SNRPN: variants seen among roughly 807,000 people sequenced by gnomAD.
The protein encoded by SNRPN is small nuclear ribonucleoprotein-associated protein N.
SNRPN carries 7 observed loss-of-function variants against 25.2 expected under a neutral mutation model. The ratio of observed to expected loss-of-function variants is 0.28; its 90% CI spans 0.16 to 0.52. The LOEUF (loss-of-function observed/expected upper bound fraction) is 0.52. Ranked by LOEUF, SNRPN falls within the 20% of genes least tolerant of loss-of-function variation. SNRPN has a pLI of 0.96. For synonymous variants in SNRPN, 124 were observed against 110.6 expected (o/e 1.12, Z -0.76); for missense variants, 196 against 322.5 (o/e 0.61, Z 3.00).
At chr15:24,890,549 C>A (rs1406610500) in intron 2 of SNRPN, among the ~76,000 whole-genome samples, 1 of 152,046 alleles carries the variant, frequency 6.6e-6, no homozygotes, top group Admixed American at 6.6e-5. Flanking sequence ...TGTGGTGGCA[C>A]AAGCCTGTAG....
intron 2 of SNRPN, among the ~76,000 whole-genome samples, chr15:24,905,023 G>C (rs1453751106): frequency 2.0e-5 from 3 of 149,540 alleles, no homozygotes; most frequent in Non-Finnish European, 4.4e-5. Context: ...TGAGGCAGGA[G>C]AATCGCTTGA....
intron 1 of SNRPN, among the ~76,000 whole-genome samples, chr15:24,879,572 A>G (rs776601080): frequency 1.3e-5 from 2 of 152,226 alleles, no homozygotes; most frequent in Non-Finnish European, 2.9e-5. Flanking sequence ...TCAAAGCAGC[A>G]ATTAGTGGCG....
intron 2 of SNRPN, among the ~76,000 whole-genome samples, chr15:24,892,676 G>T (rs1031380932): frequency 6.6e-6 from 1 of 151,648 alleles, no homozygotes; most frequent in African/African-American, 2.4e-5. Context: ...GGTGGAAGCT[G>T]CAGTAAGCCA....
intron 2 of SNRPN, among the ~76,000 whole-genome samples, chr15:24,967,414 T>C (rs977411755): frequency 2.6e-5 from 4 of 151,716 alleles, no homozygotes; most frequent in Non-Finnish European, 5.9e-5. Flanking sequence ...CCAAAGTGGG[T>C]GGATCACCTG....
intron 1 of SNRPN, among the ~76,000 whole-genome samples, chr15:24,880,409 T>C (rs2056466207): frequency 6.6e-6 from 1 of 152,160 alleles, no homozygotes. Context: ...ACTTCTGGGT[T>C]TCTGCCTGTC....
chr15:24,870,474 A>G (rs918178514), intron 1 of SNRPN, among the ~76,000 whole-genome samples: 1 of 152,136 alleles, frequency 6.6e-6, no homozygotes, highest in Non-Finnish European at 1.5e-5. Context: ...ACTTGAATCA[A>G]TCTCCCCATT....
chr15:24,874,015 G>C (rs969503251), intron 1 of SNRPN, among the ~76,000 whole-genome samples: 1 of 127,216 alleles, frequency 7.9e-6, no homozygotes, highest in Non-Finnish European at 1.7e-5. Flanking sequence ...TTCATCTTCA[G>C]AAAAAAAAAA....
At chr15:24,943,970 C>T (rs1410467560) in intron 3 of SNRPN, among the ~76,000 whole-genome samples, 1 of 152,020 alleles carries the variant, frequency 6.6e-6, no homozygotes, top group African/African-American at 2.4e-5. Flanking sequence ...TACAGGGGTG[C>T]ACTACCATAC....
intron 1 of SNRPN, among the ~76,000 whole-genome samples, chr15:24,863,821 A>G (rs1350230093): frequency 1.3e-5 from 2 of 150,596 alleles, no homozygotes; most frequent in African/African-American, 2.5e-5. Flanking sequence ...TCTGGAAACT[A>G]TTAAACTCTC....
chr15:24,968,069 C>G lies in SNRPN; in HGVS notation c.-157C>G, dbSNP rs2075908037. The G allele has an allele frequency of 6.3e-7, 1 of 1,582,962 alleles. No homozygotes were observed. The highest frequency in any genetic ancestry group is 1.7e-5 in the Admixed American group (1 of 59,906). On this transcript the variant is annotated 5_prime_UTR_variant, in exon 3 of 10. Coordinates refer to ENST00000390687, the MANE Select transcript of SNRPN (RefSeq NM_003097.6). ...ATTGGAGTAGCGAGGAATCTGATTC[C>G]AAGCAAAAACCAGGTTAGAGCTAAT...
At position 24,976,792 on chromosome 15, in the gene SNRPN, G is replaced by C. The variant is rs1030425985; in HGVS notation, c.268-85G>C. ...TATGAGATAGGTGTCATGGGAAAAT[G>C]GTGGAGAGAAGTGATCTCTGATGAA... On this transcript the variant is annotated intron_variant, in intron 6 of 9. Coordinates refer to ENST00000390687, the MANE Select transcript of SNRPN (RefSeq NM_003097.6). 76 of 1,224,590 alleles carry C rather than the reference G, an allele frequency of 6.2e-5. No individual in the cohort carries two copies. The East Asian group carries it at 1.6e-3, about 26-fold the overall frequency. 75.9% of individuals were successfully genotyped at this position (1,224,590 alleles called of 1,614,324 possible). A position where few individuals can be genotyped will look rare whatever the true frequency, so the allele number is the denominator to read the frequency against.
At chr15:24,931,874 T>G (rs1445160990) in intron 3 of SNRPN, among the ~76,000 whole-genome samples, 2 of 144,336 alleles carry the variant, frequency 1.4e-5, no homozygotes, top group Admixed American at 7.0e-5. Flanking sequence ...AAAAAGACTT[T>G]GCTTCACCCA....
intron 3 of SNRPN, among the ~76,000 whole-genome samples, chr15:24,934,357 T>C (rs1294612772): frequency 6.6e-6 from 1 of 150,958 alleles, no homozygotes; most frequent in Admixed American, 6.7e-5. Context: ...ATAAAAATTA[T>C]ATAAGATTCA....
intron 2 of SNRPN, among the ~76,000 whole-genome samples, chr15:24,904,051 A>G (rs74809493): frequency 6.6e-6 from 1 of 151,938 alleles, no homozygotes; most frequent in African/African-American, 2.4e-5. Context: ...AAAAAAAAAA[A>G]AGATCGGAGC....
chr15:24,853,085 TCA>T (rs1219033039), upstream of SNRPN, among the ~76,000 whole-genome samples: 1 of 152,232 alleles, frequency 6.6e-6, no homozygotes, highest in Non-Finnish European at 1.5e-5. Context: ...AGTGTTAGAC[TCA>T]CAGAACAAAT....
At chr15:24,918,428 A>AT (rs2059697107) in intron 2 of SNRPN, among the ~76,000 whole-genome samples, 1 of 121,894 alleles carries the variant, frequency 8.2e-6, no homozygotes, top group Non-Finnish European at 1.7e-5. Flanking sequence ...GTGTATATAT[A>AT]ACATAATATA....
At chr15:24,861,410 G>T (rs568290337) in intron 1 of SNRPN, among the ~76,000 whole-genome samples, 1 of 152,176 alleles carries the variant, frequency 6.6e-6, no homozygotes, top group East Asian at 1.9e-4. Context: ...ATAAAAAGAT[G>T]GTATAAAACA....
rs34575205 is a variant in SNRPN, at chr15:24,923,923, A to ATTTTTT, written c.-391+3819_-391+3824dup. On this transcript the variant is annotated intron_variant, in intron 3 of 11. Transcript: ENST00000400097. ...TGTGTGTGTGTGTGTGTATATAAACATTTTTTTTTTTTTTTTTTTTTTTTT... is the reference window on the plus strand; with the variant it reads ...TGTGTGTGTGTGTGTGTATATAAACATTTTTTTTTTTTTTTTTTTTTTTTTTTTTTT... Among the ~76,000 whole-genome samples the ATTTTTT allele has an allele frequency of 3.3e-5, 3 of 89,908 alleles. 1 individual carries two copies. Among genetic ancestry groups the ATTTTTT allele is most frequent in the Non-Finnish European group, 4.0e-5 (2 of 50,616 alleles). The allele number at this position is 89,908 out of a possible 152,430, so 59.0% of individuals were successfully genotyped here. A position where few individuals can be genotyped will look rare whatever the true frequency, so the allele number is the denominator to read the frequency against.
intron 2 of SNRPN, among the ~76,000 whole-genome samples, chr15:24,966,839 C>G (rs150056374): frequency 1.1e-3 from 175 of 152,260 alleles, no homozygotes; most frequent in East Asian, 5.8e-3. Context: ...TGGTGATCCC[C>G]CAGCTCCTCA....
Sources: allele counts gnomAD v4.1 joint callset (sites outside exome capture counted in the v4.1 genomes callset), GRCh38; gene constraint gnomAD v4.1.1; transcripts MANE v1.5; gene names NCBI Gene and HGNC (gene_info 2026-07-23, HGNC 2026-07-21).